The following DIAPH3 variants were observed in gnomAD, a reference collection of about 807,000 sequenced individuals.
DIAPH3 encodes protein diaphanous homolog 3.
Under a neutral mutation model 144.3 loss-of-function variants are expected in DIAPH3, and 117 were observed. That is an observed-to-expected ratio of 0.81 (90% CI 0.70 to 0.95). The LOEUF is 0.95. Ranked by LOEUF, DIAPH3 falls within the 40% of genes least tolerant of loss-of-function variation. The pLI, the probability that DIAPH3 is intolerant of heterozygous loss-of-function variation, is 0.00. For missense variants in DIAPH3, 1,421 were observed against 1,412.7 expected, an observed-to-expected ratio of 1.01 and a Z score of -0.09; for synonymous variants, 519 against 488.9, an observed-to-expected ratio of 1.06 and a Z score of -0.81.
intron 17 of DIAPH3, among the ~76,000 whole-genome samples, chr13:59,960,230 C>T (rs1566575497): frequency 6.6e-6 from 1 of 152,122 alleles, no homozygotes; most frequent in Non-Finnish European, 1.5e-5. Context: ...TATTCACTTT[C>T]ATTTAAGCTA....
intron 4 of DIAPH3, among the ~76,000 whole-genome samples, chr13:60,056,321 G>A (rs1021196590): frequency 4.0e-5 from 6 of 151,468 alleles, no homozygotes; most frequent in Non-Finnish European, 8.9e-5. Flanking sequence ...AGGAGAGTTG[G>A]AGGGATACAG....
At chr13:59,777,878 T>C (rs1468482621) in intron 25 of DIAPH3, among the ~76,000 whole-genome samples, 2 of 152,154 alleles carry the variant, frequency 1.3e-5, no homozygotes, top group African/African-American at 2.4e-5. Context: ...CAATGAAGTA[T>C]AGAGGAGTCC....
chr13:59,965,539 T>TAA (rs34273562), intron 17 of DIAPH3, among the ~76,000 whole-genome samples: 3 of 145,278 alleles, frequency 2.1e-5, no homozygotes, highest in Non-Finnish European at 3.0e-5. Context: ...TCCAATCTGG[T>TAA]AAAAAAAAAA....
chr13:59,779,948 A>T (rs1297283816), intron 25 of DIAPH3, among the ~76,000 whole-genome samples: 2 of 152,216 alleles, frequency 1.3e-5, no homozygotes, highest in East Asian at 3.8e-4. Flanking sequence ...TATAAAGAAG[A>T]TGTTCTTCCA....
chr13:59,795,807 G>T (rs939272701), intron 25 of DIAPH3, among the ~76,000 whole-genome samples: 1 of 152,046 alleles, frequency 6.6e-6, no homozygotes, highest in Non-Finnish European at 1.5e-5. Context: ...CTTAAAGTTT[G>T]TTACTAGACA....
chr13:59,694,442 A>G (rs2033688632), intron 27 of DIAPH3, among the ~76,000 whole-genome samples: 1 of 152,168 alleles, frequency 6.6e-6, no homozygotes, highest in South Asian at 2.1e-4. Context: ...TAGATAATAC[A>G]TTACAGGAAA....
At chr13:59,875,201 T>C (rs1219358104) in intron 21 of DIAPH3, among the ~76,000 whole-genome samples, 1 of 152,186 alleles carries the variant, frequency 6.6e-6, no homozygotes, top group African/African-American at 2.4e-5. Context: ...TTCCACTTAA[T>C]CAACAGCAGT....
chr13:60,139,328 A>C (rs1188102663), intron 1 of DIAPH3, among the ~76,000 whole-genome samples: 4 of 152,176 alleles, frequency 2.6e-5, no homozygotes, highest in Non-Finnish European at 1.5e-5. Flanking sequence ...GTGAAAGGGG[A>C]GATGTTAGGA....
chr13:60,041,021 C>T (rs1046270999), intron 5 of DIAPH3, among the ~76,000 whole-genome samples: 34 of 151,896 alleles, frequency 2.2e-4, no homozygotes, highest in Admixed American at 3.9e-4. Flanking sequence ...GCCATGTTAG[C>T]CAGGCTGGTC....
intron 20 of DIAPH3, 65 bp downstream of exon 20, chr13:59,911,670 A>G (rs2047002447): frequency 3.3e-6 from 4 of 1,201,846 alleles, no homozygotes; most frequent in Non-Finnish European, 5.0e-6. Flanking sequence ...TAGCGATATA[A>G]AAACAGTTGA....
intron 15 of DIAPH3, among the ~76,000 whole-genome samples, chr13:59,972,396 T>C (rs1044642632): frequency 5.3e-5 from 8 of 152,228 alleles, no homozygotes; most frequent in Non-Finnish European, 8.8e-5. Flanking sequence ...ATAACTTTTG[T>C]AATATGAGTA....
intron 4 of DIAPH3, among the ~76,000 whole-genome samples, chr13:60,055,082 A>G (rs931549790): frequency 3.3e-5 from 5 of 151,976 alleles, no homozygotes; most frequent in African/African-American, 1.2e-4. Flanking sequence ...AACTCTGCCT[A>G]TAATTTGGAA....
chr13:60,067,401 A>G (rs919697943), intron 4 of DIAPH3, among the ~76,000 whole-genome samples: 1 of 152,210 alleles, frequency 6.6e-6, no homozygotes, highest in Non-Finnish European at 1.5e-5. Flanking sequence ...TGGTATATAT[A>G]CATATTGGAT....
At chr13:60,073,729 C>T (rs1032914316) in intron 4 of DIAPH3, among the ~76,000 whole-genome samples, 5 of 152,146 alleles carry the variant, frequency 3.3e-5, no homozygotes, top group Admixed American at 1.3e-4. Context: ...CAGATTTACC[C>T]AGATGTTTCC....
intron 4 of DIAPH3, among the ~76,000 whole-genome samples, chr13:60,071,825 TAATCA>T (rs907688628): frequency 5.3e-5 from 8 of 152,220 alleles, no homozygotes; most frequent in Admixed American, 3.3e-4. Context: ...AAATCTAATC[TAATCA>T]ATCTAATCTA....
At chr13:59,789,104 C>T (rs2039194061) in intron 25 of DIAPH3, among the ~76,000 whole-genome samples, 1 of 152,124 alleles carries the variant, frequency 6.6e-6, no homozygotes, top group Non-Finnish European at 1.5e-5. Flanking sequence ...GAACAGATGC[C>T]TTCAGTTGCA....
chr13:60,021,728 G>A (rs1325575939), intron 5 of DIAPH3, among the ~76,000 whole-genome samples: 1 of 150,004 alleles, frequency 6.7e-6, no homozygotes. Context: ...TTTTGAAAAT[G>A]AAGGAGGCCA....
At chr13:59,672,486 T>C (rs1172805795) in intron 27 of DIAPH3, among the ~76,000 whole-genome samples, 3 of 152,240 alleles carry the variant, frequency 2.0e-5, no homozygotes, top group Non-Finnish European at 4.4e-5. Flanking sequence ...TACTTTGACC[T>C]ACTAAGTAGC....
chr13:59,888,882 T>C (rs1431772684), intron 20 of DIAPH3, among the ~76,000 whole-genome samples: 1 of 152,070 alleles, frequency 6.6e-6, no homozygotes, highest in Non-Finnish European at 1.5e-5. Flanking sequence ...GGGTATTTTT[T>C]TAACACCTTT....
Sources: gnomAD v4.1 joint callset for allele counts (sites outside exome capture counted in the v4.1 genomes callset) on GRCh38, gnomAD v4.1.1 for gene constraint, MANE v1.5 for transcripts, NCBI Gene and HGNC (gene_info 2026-07-23, HGNC 2026-07-21) for gene names.